The following DAB1 variants were observed in gnomAD, a reference collection of about 807,000 sequenced individuals.
The protein encoded by DAB1 is DAB adaptor protein 1.
Under a neutral mutation model 64.6 loss-of-function variants are expected in DAB1, and 15 were observed. The ratio of observed to expected loss-of-function variants is 0.23; its 90% CI spans 0.16 to 0.36. The LOEUF is 0.36. DAB1 is among the 10% of genes least tolerant of loss of function. The pLI, the probability that DAB1 is intolerant of heterozygous loss-of-function variation, is 1.00. For synonymous variants in DAB1, 235 were observed against 251.9 expected, an observed-to-expected ratio of 0.93 and a Z score of 0.64; for missense variants, 596 against 706.7, an observed-to-expected ratio of 0.84 and a Z score of 1.78.
At chr1:57,779,469 T>A (rs531317803) in intron 6 of DAB1, among the ~76,000 whole-genome samples, 25 of 152,146 alleles carry the variant, frequency 1.6e-4, no homozygotes, top group Non-Finnish European at 3.2e-4. Context: ...TTACAGAGAT[T>A]TGTTTGTTTT....
chr1:57,739,068 C>G (rs530455443), intron 6 of DAB1, among the ~76,000 whole-genome samples: 7 of 152,256 alleles, frequency 4.6e-5, no homozygotes, highest in Admixed American at 3.9e-4. Flanking sequence ...AGGGGGCTGT[C>G]AGCTAATACA....
chr1:58,133,689 G>C (rs1653774617), intron 5 of DAB1, among the ~76,000 whole-genome samples: 1 of 152,122 alleles, frequency 6.6e-6, no homozygotes, highest in Non-Finnish European at 1.5e-5. Context: ...TTTTTGAATA[G>C]ATGAAGTCAC....
At chr1:57,355,708 G>A (rs563438960) in intron 1 of DAB1, among the ~76,000 whole-genome samples, 19 of 152,180 alleles carry the variant, frequency 1.2e-4, no homozygotes, top group South Asian at 4.1e-4. Context: ...AGGCAGGCCC[G>A]TGGACCTGAA....
chr1:58,476,054 A>G (rs984824049), intron 3 of DAB1, among the ~76,000 whole-genome samples: 1 of 152,188 alleles, frequency 6.6e-6, no homozygotes, highest in African/African-American at 2.4e-5. Flanking sequence ...CTGAAGGAAG[A>G]AAAAAACAAA....
chr1:57,643,167 G>A (rs866797850), intron 7 of DAB1, among the ~76,000 whole-genome samples: 8 of 152,116 alleles, frequency 5.3e-5, no homozygotes, highest in South Asian at 4.1e-4. Context: ...TGCCAATTAC[G>A]GAGATTTTTC....
At chr1:58,373,788 C>T (rs1180848122) in intron 3 of DAB1, among the ~76,000 whole-genome samples, 3 of 151,290 alleles carry the variant, frequency 2.0e-5, no homozygotes, top group Admixed American at 6.6e-5. Flanking sequence ...AGTTTACAGT[C>T]CCACCAACAG....
chr1:58,506,141 G>A, exon 3 of DAB1: 1 of 871,854 alleles, frequency 1.1e-6, no homozygotes. Flanking sequence ...TCTTGGGTTG[G>A]CCATGCAGGC....
chr1:57,057,832 T>A (rs1034776931), intron 9 of DAB1, among the ~76,000 whole-genome samples: 1 of 151,924 alleles, frequency 6.6e-6, no homozygotes, highest in Non-Finnish European at 1.5e-5. Context: ...ATGGTCTCGA[T>A]CTCCTGACCT....
At chr1:57,749,884 T>C (rs1184179548) in intron 6 of DAB1, among the ~76,000 whole-genome samples, 1 of 152,236 alleles carries the variant, frequency 6.6e-6, no homozygotes, top group Non-Finnish European at 1.5e-5. Flanking sequence ...CTTTTCAATT[T>C]TGCAAATGCC....
intron 2 of DAB1, among the ~76,000 whole-genome samples, chr1:57,179,456 T>A (rs1662680846): frequency 6.6e-6 from 1 of 152,200 alleles, no homozygotes; most frequent in Admixed American, 6.5e-5. Context: ...TTAATTTTCA[T>A]TCCCTGCCAG....
At chr1:57,425,638 T>C (rs934863579), upstream of DAB1, among the ~76,000 whole-genome samples, 2 of 152,156 alleles carry the variant, frequency 1.3e-5, no homozygotes, top group Admixed American at 6.5e-5. Flanking sequence ...GCAATTTACA[T>C]AGAGACAAGA....
chr1:58,192,451 A>G (rs1409697076), intron 4 of DAB1, among the ~76,000 whole-genome samples: 1 of 152,060 alleles, frequency 6.6e-6, no homozygotes, highest in East Asian at 1.9e-4. Context: ...TTCAATGTCT[A>G]TTATTCTACT....
chr1:58,323,924 C>CAA (rs11432020), intron 4 of DAB1, among the ~76,000 whole-genome samples: 2,396 of 79,918 alleles, frequency 0.03, 131 homozygotes, highest in East Asian at 0.27. Context: ...GACTCCATCT[C>CAA]AAAAAAAAAA....
At chr1:57,486,265 C>T (rs1301828963) in intron 7 of DAB1, among the ~76,000 whole-genome samples, 2 of 152,192 alleles carry the variant, frequency 1.3e-5, no homozygotes, top group African/African-American at 2.4e-5. Context: ...AGCTTTGGTT[C>T]GGTCTATTTT....
At chr1:57,596,447 T>C (rs1339121511) in intron 7 of DAB1, among the ~76,000 whole-genome samples, 2 of 152,194 alleles carry the variant, frequency 1.3e-5, no homozygotes, top group Non-Finnish European at 2.9e-5. Flanking sequence ...ATTACTCATA[T>C]TATTATGTGT....
At chr1:58,010,404 A>G (rs568313401) in intron 5 of DAB1, among the ~76,000 whole-genome samples, 1 of 152,284 alleles carries the variant, frequency 6.6e-6, no homozygotes, top group East Asian at 1.9e-4. Flanking sequence ...TACAAACACA[A>G]CAGAACCTTC....
chr1:57,772,432 A>C (rs1031404745), intron 6 of DAB1, among the ~76,000 whole-genome samples: 2 of 152,188 alleles, frequency 1.3e-5, no homozygotes, highest in Middle Eastern at 3.2e-3. Context: ...TTGTTAATGG[A>C]CATTTGGATT....
At chr1:57,810,816 A>G (rs189365711) in intron 6 of DAB1, among the ~76,000 whole-genome samples, 1 of 152,346 alleles carries the variant, frequency 6.6e-6, no homozygotes, top group Non-Finnish European at 1.5e-5. Flanking sequence ...ATAACAAATT[A>G]TCACAATTTA....
At position 58,113,263 on chromosome 1, in the gene DAB1, G is replaced by C. The variant is rs79495058; in HGVS notation, n.387+37248C>G. Among the ~76,000 whole-genome samples, 1,019 of 152,226 alleles carry C rather than the reference G, an allele frequency of 6.7e-3. 46 individuals are homozygous for C. In the South Asian group the frequency reaches 0.095, roughly 14 times the overall value. ...TGATGGGCAGGATTCTGGCCAGACAGGACCGAGCTGTTGATTGGTTGGAGG... is the reference window on the plus strand; with the variant it reads ...TGATGGGCAGGATTCTGGCCAGACACGACCGAGCTGTTGATTGGTTGGAGG... On this transcript the variant is annotated intron_variant and non_coding_transcript_variant, in intron 5 of 20. Coordinates refer to the DAB1 transcript ENST00000485760.
Sources: allele counts gnomAD v4.1 joint callset (sites outside exome capture counted in the v4.1 genomes callset), GRCh38; gene constraint gnomAD v4.1.1; transcripts MANE v1.5; gene names NCBI Gene and HGNC (gene_info 2026-07-23, HGNC 2026-07-21).